The following STXBP5L variants were observed in gnomAD, a reference collection of about 807,000 sequenced individuals.
STXBP5L encodes syntaxin binding protein 5L.
Under a neutral mutation model 144.5 loss-of-function variants are expected in STXBP5L, and 65 were observed. That is an observed-to-expected ratio of 0.45 (90% CI 0.37 to 0.55). The LOEUF (loss-of-function observed/expected upper bound fraction) is 0.55. STXBP5L is among the 20% of genes least tolerant of loss of function. STXBP5L has a pLI of 0.00. For synonymous variants in STXBP5L, 505 were observed against 469.6 expected (o/e 1.08, Z -0.97); for missense variants, 1,298 against 1,405.5 (o/e 0.92, Z 1.22).
At chr3:121,252,813 C>T (rs766903893) in intron 15 of STXBP5L, among the ~76,000 whole-genome samples, 10 of 152,172 alleles carry the variant, frequency 6.6e-5, no homozygotes, top group Non-Finnish European at 1.2e-4. Context: ...GTCCTTTGCT[C>T]AGGGTGTCAC....
intron 4 of STXBP5L, among the ~76,000 whole-genome samples, chr3:121,043,528 G>T (rs1395697142): frequency 6.6e-6 from 1 of 152,058 alleles, no homozygotes; most frequent in Non-Finnish European, 1.5e-5. Flanking sequence ...GGCCAACATG[G>T]TGAAACCCCG....
In STXBP5L at chr3:120,992,663, C is replaced by T. The variant is rs183751518; in HGVS notation, c.287+37626C>T. On this transcript the variant is annotated intron_variant, in intron 3 of 26. Transcript: ENST00000471454. ...TTTTTTTAAATAACTGAATAGATTT[C>T]ATTTTGTATATATACCACATTTTTC... is the stretch of plus-strand genomic sequence containing the variant. 1.6e-4 allele frequency among the ~76,000 whole-genome samples: 24 copies of T among 152,110 alleles called. 1 individual carries two copies. The East Asian group carries it at 4.6e-3, about 29-fold the overall frequency.
At chr3:121,407,677 T>C (rs1238480444) in intron 23 of STXBP5L, 74 bp downstream of exon 23, 3 of 1,574,660 alleles carry the variant, frequency 1.9e-6, no homozygotes, top group Admixed American at 3.5e-5. Flanking sequence ...AATATATGTG[T>C]TATGTGCAGA....
At chr3:121,375,372 A>G (rs2046152186) in intron 20 of STXBP5L, among the ~76,000 whole-genome samples, 1 of 152,142 alleles carries the variant, frequency 6.6e-6, no homozygotes, top group Non-Finnish European at 1.5e-5. Flanking sequence ...ACCCTACTAA[A>G]TATGTCTTCA....
rs985826094 is a variant in STXBP5L, at chr3:120,934,874, A to C, written c.190-20066A>C. Among the ~76,000 whole-genome samples, 5 of 152,046 alleles carry C rather than the reference A, an allele frequency of 3.3e-5. No individual in the cohort carries two copies. The East Asian group carries it at 5.8e-4, about 18-fold the overall frequency. On this transcript the variant is annotated intron_variant, in intron 2 of 26. Transcript: ENST00000471454. ...TTTCTCTATCCCTTTAGTTTTAATCAGTCTGTGTCTTTATATTAAAGTGGG... is the reference window on the plus strand; with the variant it reads ...TTTCTCTATCCCTTTAGTTTTAATCCGTCTGTGTCTTTATATTAAAGTGGG...
chr3:121,159,874 C>T (rs1447053572), intron 9 of STXBP5L, among the ~76,000 whole-genome samples: 1 of 151,920 alleles, frequency 6.6e-6, no homozygotes, highest in Non-Finnish European at 1.5e-5. Context: ...CCTCGTGATC[C>T]GCCCGCCTCA....
chr3:121,345,064 G>T (rs2044899734), intron 20 of STXBP5L, among the ~76,000 whole-genome samples: 1 of 151,786 alleles, frequency 6.6e-6, no homozygotes, highest in Non-Finnish European at 1.5e-5. Flanking sequence ...CAACATGCAG[G>T]TTTGATACAT....
At chr3:120,973,721 G>A (rs1940565592) in intron 3 of STXBP5L, among the ~76,000 whole-genome samples, 1 of 149,508 alleles carries the variant, frequency 6.7e-6, no homozygotes, top group Admixed American at 6.7e-5. Context: ...AGTCCCCAGA[G>A]TGTGATGTTC....
At chr3:121,415,733 A>G (rs2108754375) in intron 24 of STXBP5L, 124 bp from the exon 25 acceptor site, 1 of 544,080 alleles carries the variant, frequency 1.8e-6, no homozygotes, top group Non-Finnish European at 3.1e-6. Context: ...AAAAATCACC[A>G]TGAAAATATA....
intron 19 of STXBP5L, among the ~76,000 whole-genome samples, chr3:121,306,353 TC>T (rs1269431457): frequency 1.3e-5 from 2 of 152,052 alleles, no homozygotes; most frequent in Admixed American, 1.3e-4. Context: ...TTCTGACCAT[TC>T]CCCAATGACA....
chr3:121,264,426 A>G (rs1049371164), intron 18 of STXBP5L, among the ~76,000 whole-genome samples: 1 of 152,150 alleles, frequency 6.6e-6, no homozygotes, highest in African/African-American at 2.4e-5. Context: ...AGGAAGAATT[A>G]GGAAAAAAGA....
chr3:120,964,157 C>T (rs1305233725), intron 3 of STXBP5L, among the ~76,000 whole-genome samples: 1 of 151,936 alleles, frequency 6.6e-6, no homozygotes, highest in Non-Finnish European at 1.5e-5. Flanking sequence ...TTTGATTCTT[C>T]TCTCTTTTCT....
chr3:121,409,572 T>A (rs2047071795), intron 23 of STXBP5L, among the ~76,000 whole-genome samples: 1 of 151,850 alleles, frequency 6.6e-6, no homozygotes, highest in Non-Finnish European at 1.5e-5. Flanking sequence ...CGACCTCCAT[T>A]CCCCTATCTG....
intron 3 of STXBP5L, among the ~76,000 whole-genome samples, chr3:120,976,451 C>A (rs911354680): frequency 2.0e-5 from 3 of 152,072 alleles, no homozygotes; most frequent in African/African-American, 7.2e-5. Flanking sequence ...CTTTAGTAGT[C>A]TTGCTAGCAG....
intron 2 of STXBP5L, among the ~76,000 whole-genome samples, chr3:120,938,993 A>T (rs1213702311): frequency 6.6e-6 from 1 of 152,044 alleles, no homozygotes; most frequent in Non-Finnish European, 1.5e-5. Context: ...TATGTTGCCC[A>T]GGCTGGTCTC....
intron 19 of STXBP5L, among the ~76,000 whole-genome samples, chr3:121,301,097 G>A (rs756570352): frequency 5.3e-5 from 8 of 152,146 alleles, no homozygotes; most frequent in Non-Finnish European, 1.2e-4. Context: ...GTCATTGGTA[G>A]CCTGATGGGG....
chr3:121,134,660 G>GT (rs1313480256), intron 7 of STXBP5L, among the ~76,000 whole-genome samples: 1 of 151,968 alleles, frequency 6.6e-6, no homozygotes, highest in East Asian at 1.9e-4. Flanking sequence ...GTGGTGTTTG[G>GT]TTTTTTGTTC....
rs1176800745 is a variant in STXBP5L, at chr3:121,175,964, T to C, written c.877+18337T>C. 2.6e-5 allele frequency among the ~76,000 whole-genome samples: 4 copies of C among 151,492 alleles called. No individual in the cohort carries two copies. The East Asian group carries it at 5.8e-4, about 22-fold the overall frequency. Reference sequence around the variant, plus strand: ...AAGGAATATTATTAGAGACAAAGAGTGGCATAACCCAATAATAAAATAATA... The same window carrying C: ...AAGGAATATTATTAGAGACAAAGAGCGGCATAACCCAATAATAAAATAATA... On this transcript the variant is annotated intron_variant, in intron 9 of 26. Transcript: ENST00000471454.
chr3:121,017,067 T>C (rs1375317939), intron 3 of STXBP5L, among the ~76,000 whole-genome samples: 1 of 152,050 alleles, frequency 6.6e-6, no homozygotes, highest in Non-Finnish European at 1.5e-5. Flanking sequence ...AATCCAACAA[T>C]GTACAAAAAG....
Sources: gnomAD v4.1 joint callset for allele counts (sites outside exome capture counted in the v4.1 genomes callset) on GRCh38, gnomAD v4.1.1 for gene constraint, MANE v1.5 for transcripts, NCBI Gene and HGNC (gene_info 2026-07-23, HGNC 2026-07-21) for gene names.